Variants in AHSG observed in about 807,000 individuals in gnomAD.
AHSG encodes the protein alpha-2-HS-glycoprotein.
AHSG carries 23 observed loss-of-function variants against 30.1 expected under a neutral mutation model. The ratio of observed to expected loss-of-function variants is 0.76; its 90% CI spans 0.55 to 1.08. AHSG has a LOEUF of 1.08. Ranked by LOEUF, AHSG falls within the 50% of genes least tolerant of loss-of-function variation. AHSG has a pLI of 0.00. For synonymous variants in AHSG, 164 were observed against 186.3 expected (o/e 0.88, Z 0.98); for missense variants, 469 against 459.5 (o/e 1.02, Z -0.19).
At chr3:186,618,745 G>T in intron 5 of AHSG, 108 bp downstream of exon 5, 8 of 1,486,056 alleles carry the variant, frequency 5.4e-6, no homozygotes, top group Non-Finnish European at 7.2e-6. Context: ...GAATAACAGT[G>T]CAAATCCCCT....
chr3:186,617,271 A>C lies in AHSG; in HGVS notation c.494A>C (p.Lys165Thr). 1 of 1,614,170 alleles carries C rather than the reference A, an allele frequency of 6.2e-7. No individual in the cohort carries two copies. The highest frequency in any genetic ancestry group is 1.7e-5 in the Admixed American group (1 of 60,022). ...LNDTRVVHAA[K>T]AALAAFNAQN... is the part of the protein sequence containing the mutation. ...GACACCAGGGTGGTGCACGCCGCGA[A>C]AGCTGCCCTGGCCGCCTTCAACGCT... Residue 165 changes from lysine (K) to threonine (T), a missense_variant, in exon 4 of 7, where the codon AAA (lysine) becomes ACA (threonine). Transcript: ENST00000411641.
At position 186,613,847 on chromosome 3, in the gene AHSG, A is replaced by G. The variant is rs182900284; in HGVS notation, c.213+493A>G. On this transcript the variant is annotated intron_variant, in intron 1 of 6. Transcript: ENST00000411641. ...GTCCTGCCTCCTGGTGCTGTGTGGT[A>G]CATATATTGTTCTTGTCTTACCCAA... Among the ~76,000 whole-genome samples the G allele has an allele frequency of 2.6e-5, 4 of 152,018 alleles. No individual in the cohort carries two copies. The East Asian group carries it at 7.7e-4, about 29-fold the overall frequency.
At chr3:186,618,682 G>GT in intron 5 of AHSG, 45 bp downstream of exon 5, 1 of 1,604,758 alleles carries the variant, frequency 6.2e-7, no homozygotes, top group Non-Finnish European at 8.5e-7. Flanking sequence ...GGACAGAGCT[G>GT]TTTGTGGAAC....
chr3:186,617,130 C>G, intron 3 of AHSG, 57 bp from the exon 4 acceptor site: 1 of 1,570,032 alleles, frequency 6.4e-7, no homozygotes, highest in Non-Finnish European at 8.6e-7. Flanking sequence ...CGCAGCAGAG[C>G]TGGGGCCATG....
Position 186,618,565 on chromosome 3 carries a change from T to C in AHSG, c.603T>C (p.Phe201=), listed in dbSNP as rs1183544484. The part of the protein sequence containing the change: ...VPLPPSTYVE[F]TVSGTDCVAK... ...TCCCACCTTCTACCTATGTGGAGTT[T>C]ACAGTGTCTGGCACTGACTGTGTTG... Residue 201 remains phenylalanine, a synonymous_variant, in exon 5 of 7, where the codon TTT becomes TTC. Transcript: ENST00000411641. 10 of 1,614,112 alleles carry C rather than the reference T, an allele frequency of 6.2e-6. No homozygotes were observed. In the East Asian group the frequency reaches 2.2e-4, roughly 36 times the overall value.
rs896787652 is a variant in AHSG at position 186,620,453 on chromosome 3, C to T, written c.760-133C>T. 38 of 818,320 alleles carry T rather than the reference C, an allele frequency of 4.6e-5. 1 individual carries two copies. The East Asian group carries it at 8.0e-4, about 17-fold the overall frequency. The allele number at this position is 818,320 out of a possible 1,614,324, so 50.7% of individuals were successfully genotyped here. On this transcript the variant is annotated intron_variant, in intron 6 of 6. Transcript: ENST00000411641. ...ACAATCCCTTGTACTTGGGTAGGTC[C>T]TTTCTTGCTAGACTCTTTGCAAATA...
At chr3:186,613,875 G>A (rs1483593413) in intron 1 of AHSG, among the ~76,000 whole-genome samples, 3 of 151,996 alleles carry the variant, frequency 2.0e-5, no homozygotes, top group East Asian at 1.9e-4. Context: ...TTACCCAAGA[G>A]GAGACCAAGG....
rs1368773342 is a variant in AHSG, at chr3:186,615,719, A to G, written c.248A>G (p.Asp83Gly). 2 of 1,614,208 alleles carry G rather than the reference A, an allele frequency of 1.2e-6. No individual in the cohort carries two copies. The highest frequency in any genetic ancestry group is 1.7e-6 in the Non-Finnish European group (2 of 1,180,042). The change falls in exon 2 of 7, where the codon GAC (aspartate) becomes GGC (glycine). Residue 83 changes from aspartate (D) to glycine (G), a missense_variant. Asp to Gly is a moderately conservative substitution (Grantham distance 94). Transcript: ENST00000411641. ...GGAGAGCTGTTTGAGATTGAAATAG[A>G]CACCCTGGAAACCACCTGCCATGTG... ...PSGELFEIEI[D>G]TLETTCHVLD...
At position 186,617,713 on chromosome 3, in the gene AHSG, C is replaced by A. The variant is rs181602778; in HGVS notation, c.573+363C>A. Reference sequence around the variant, plus strand: ...ACTGTAAATTTGCTGGGCTCCAGTACCACCCATCTCCGCTGAACATCTGCC... The same window carrying A: ...ACTGTAAATTTGCTGGGCTCCAGTAACACCCATCTCCGCTGAACATCTGCC... On this transcript the variant is annotated intron_variant, in intron 4 of 6. Transcript: ENST00000411641. The A allele has an allele frequency of 5.4e-3, 1,992 of 366,188 alleles. 11 individuals are homozygous for A. Among genetic ancestry groups the A allele is most frequent in the South Asian group, 0.011 (480 of 42,718 alleles). 22.7% of individuals were successfully genotyped at this position (366,188 alleles called of 1,614,324 possible).
chr3:186,619,826 G>A, intron 5 of AHSG, 31 bp from the exon 6 acceptor site: 1 of 1,571,896 alleles, frequency 6.4e-7, no homozygotes. Context: ...TTTGAAATTA[G>A]TTAAAATAAA....
chr3:186,616,387 C>G (rs759854890), intron 2 of AHSG, 56 bp from the exon 3 acceptor site: 27 of 1,464,436 alleles, frequency 1.8e-5, no homozygotes, highest in Non-Finnish European at 2.5e-5. Context: ...TGGAGGGAGC[C>G]TGCCCGGGGT....
intron 4 of AHSG, 114 bp from the exon 5 acceptor site, chr3:186,618,422 C>T (rs183103517): frequency 3.4e-5 from 51 of 1,506,396 alleles, no homozygotes; most frequent in African/African-American, 3.3e-4. Flanking sequence ...TCTGGGCCGA[C>T]GCATGGTCTG....
intron 1 of AHSG, 63 bp from the exon 2 acceptor site, chr3:186,615,622 C>A (rs1716272182): frequency 7.3e-7 from 1 of 1,374,642 alleles, no homozygotes; most frequent in Non-Finnish European, 1.0e-6. Flanking sequence ...GGGCGCATAC[C>A]GTGGACCGCA....
intron 1 of AHSG, among the ~76,000 whole-genome samples, chr3:186,614,069 C>T (rs1262121706): frequency 6.6e-6 from 1 of 152,042 alleles, no homozygotes; most frequent in African/African-American, 2.4e-5. Context: ...TTGGCATAAA[C>T]ACAATTCACC....
intron 1 of AHSG, among the ~76,000 whole-genome samples, chr3:186,614,944 A>G (rs553570606): frequency 1.3e-5 from 2 of 152,204 alleles, no homozygotes; most frequent in Non-Finnish European, 2.9e-5. Flanking sequence ...AACTCACAAG[A>G]ATATCTCCAA....
intron 1 of AHSG, among the ~76,000 whole-genome samples, chr3:186,614,084 C>T (rs1228097750): frequency 6.6e-6 from 1 of 152,168 alleles, no homozygotes; most frequent in East Asian, 1.9e-4. Flanking sequence ...TTCACCTCCT[C>T]ACACACTAGA....
Position 186,613,120 on chromosome 3 carries a change from C to A in AHSG, c.-22C>A. ...AAGCCTCCAACCACCTGCACGCCTGCCAGGGCCTCTCTGGGGCAGCCATGA... is the reference window on the plus strand; with the variant it reads ...AAGCCTCCAACCACCTGCACGCCTGACAGGGCCTCTCTGGGGCAGCCATGA... On this transcript the variant is annotated 5_prime_UTR_variant, in exon 1 of 7. Transcript: ENST00000411641. The A allele has an allele frequency of 6.2e-7, 1 of 1,613,064 alleles. No individual in the cohort carries two copies. The highest frequency in any genetic ancestry group is 8.5e-7 in the Non-Finnish European group (1 of 1,179,358).
chr3:186,617,295 C>A lies in AHSG; in HGVS notation c.518C>A (p.Ala173Asp). 6.2e-7 allele frequency: 1 copy of A among 1,614,202 alleles called. No homozygotes were observed. The highest frequency in any genetic ancestry group is 8.5e-7 in the Non-Finnish European group (1 of 1,180,038). Residue 173 changes from alanine (A) to aspartate (D), a missense_variant, in exon 4 of 7, where the codon GCT becomes GAT. Ala to Asp is a moderately radical substitution (Grantham distance 126). Transcript: ENST00000411641. ...AAKAALAAFN[A>D]QNNGSNFQLE... ...AAAGCTGCCCTGGCCGCCTTCAACG[C>A]TCAGAACAACGGCTCCAATTTTCAG...
intron 4 of AHSG, 86 bp from the exon 5 acceptor site, chr3:186,618,450 G>A (rs748649698): frequency 3.2e-5 from 51 of 1,571,784 alleles, no homozygotes; most frequent in Middle Eastern, 1.7e-4. Flanking sequence ...GGTGCTCCCC[G>A]AAGGAGGCTA....
Sources: gnomAD v4.1 joint callset for allele counts (sites outside exome capture counted in the v4.1 genomes callset) on GRCh38, gnomAD v4.1.1 for gene constraint, MANE v1.5 for transcripts, NCBI Gene and HGNC (gene_info 2026-07-23, HGNC 2026-07-21) for gene names.